Variants in SETBP1 observed in about 807,000 individuals in gnomAD.
SETBP1 encodes the protein SET binding protein 1, also known as SET-binding protein.
SETBP1 carries 9 observed loss-of-function variants against 101.0 expected under a neutral mutation model. The ratio of observed to expected loss-of-function variants is 0.09; its 90% CI spans 0.05 to 0.16. SETBP1 has a LOEUF of 0.16. Ranked by LOEUF, SETBP1 falls within the 10% of genes least tolerant of loss-of-function variation. The probability of loss-of-function intolerance (pLI) is 1.00; values close to 1 mark genes in which losing one functional copy is unlikely to be tolerated. For missense variants in SETBP1, 1,858 were observed against 2,033.8 expected, an observed-to-expected ratio of 0.91 and a Z score of 1.66; for synonymous variants, 818 against 788.5, an observed-to-expected ratio of 1.04 and a Z score of -0.63.
rs1203857785 is a variant in SETBP1, at chr18:44,950,906, G to A, written c.1566G>A (p.Gln522=). The A allele has an allele frequency of 6.2e-7, 1 of 1,614,144 alleles. No individual in the cohort carries two copies. Residue 522 remains glutamine, a synonymous_variant, in exon 4 of 6, where the codon CAG becomes CAA. Transcript: ENST00000649279. ...CATCCAGAAAGCTGCCAGAAATCCA[G>A]CATCCAAAATTTGCTGCAAAACGAA... ...HSPSRKLPEI[Q]HPKFAAKRRW...
intron 2 of SETBP1, among the ~76,000 whole-genome samples, chr18:44,837,954 T>C (rs1358769615): frequency 6.6e-6 from 1 of 152,194 alleles, no homozygotes; most frequent in African/African-American, 2.4e-5. Context: ...CACCATTCTC[T>C]TGAACTGACT....
Position 44,950,281 on chromosome 18 carries a change from T to C in SETBP1, c.941T>C (p.Leu314Ser). Reference sequence around the variant, plus strand: ...GCTGAGTGCAACGGGCTTCAGCCCTTGGTGGATCAAGATGGAGGAGGTACA... The same window carrying C: ...GCTGAGTGCAACGGGCTTCAGCCCTCGGTGGATCAAGATGGAGGAGGTACA... ...SSAECNGLQP[L>S]VDQDGGGTKE... is the part of the protein sequence containing the mutation. Residue 314 changes from leucine to serine, a missense_variant, in exon 4 of 6, where the codon TTG (leucine) becomes TCG (serine). Around this residue, in one of 12 missense-constraint regions of SETBP1, gnomAD observed 581 missense variants for 535.1 expected, o/e 1.09. Transcript: ENST00000649279. 1 of 1,614,034 alleles carries C rather than the reference T, an allele frequency of 6.2e-7. No homozygotes were observed. The highest frequency in any genetic ancestry group is 8.5e-7 in the Non-Finnish European group (1 of 1,180,024).
At chr18:45,034,804 T>G (rs1177841260) in intron 4 of SETBP1, among the ~76,000 whole-genome samples, 1 of 152,286 alleles carries the variant, frequency 6.6e-6, no homozygotes, top group South Asian at 2.1e-4. Flanking sequence ...TTTCTGAGTT[T>G]GAGACAGTGA....
intron 2 of SETBP1, among the ~76,000 whole-genome samples, chr18:44,783,631 G>A (rs140044798): frequency 6.6e-6 from 1 of 152,308 alleles, no homozygotes; most frequent in East Asian, 1.9e-4. Flanking sequence ...AATGATATTT[G>A]TTTTGTGCTT....
At position 45,064,018 on chromosome 18, in the gene SETBP1, C is replaced by T; in HGVS notation, c.*320C>T. On this transcript the variant is annotated 3_prime_UTR_variant, in exon 6 of 6. Coordinates refer to ENST00000649279, the MANE Select transcript of SETBP1 (RefSeq NM_015559.3). Reference sequence around the variant, plus strand: ...GGCTGGTGGCACTCTCCTGACCTCACGCTGCCAAGGTGCGCCCTCGACTCC... The same window carrying T: ...GGCTGGTGGCACTCTCCTGACCTCATGCTGCCAAGGTGCGCCCTCGACTCC... 1 of 259,436 alleles carries T rather than the reference C, an allele frequency of 3.9e-6. No individual in the cohort carries two copies. Among genetic ancestry groups the T allele is most frequent in the Non-Finnish European group, 7.4e-6 (1 of 135,298 alleles). 16.1% of individuals were successfully genotyped at this position (259,436 alleles called of 1,614,324 possible).
chr18:44,759,584 CCAAA>C (rs2070592386), intron 2 of SETBP1, among the ~76,000 whole-genome samples: 1 of 152,128 alleles, frequency 6.6e-6, no homozygotes, highest in East Asian at 1.9e-4. Context: ...TTTCAGTTCC[CCAAA>C]CAGTGTGTGT....
At chr18:44,925,023 T>G (rs1313254254) in intron 3 of SETBP1, among the ~76,000 whole-genome samples, 4 of 147,754 alleles carry the variant, frequency 2.7e-5, no homozygotes, top group African/African-American at 2.5e-5. Flanking sequence ...TTTTTTTTTT[T>G]TTTTTTTTTT....
chr18:44,892,567 T>G (rs1324746120), intron 3 of SETBP1, among the ~76,000 whole-genome samples: 3 of 152,160 alleles, frequency 2.0e-5, no homozygotes, highest in African/African-American at 7.2e-5. Flanking sequence ...GTAGGTCATC[T>G]TGTCTCTGCT....
intron 2 of SETBP1, among the ~76,000 whole-genome samples, chr18:44,729,705 T>C (rs1231571998): frequency 6.6e-6 from 1 of 152,190 alleles, no homozygotes; most frequent in Non-Finnish European, 1.5e-5. Context: ...AAACCATGGG[T>C]GTGGCTTAAT....
intron 2 of SETBP1, among the ~76,000 whole-genome samples, chr18:44,819,348 G>C (rs1156946435): frequency 2.0e-5 from 3 of 152,146 alleles, no homozygotes; most frequent in Admixed American, 6.5e-5. Context: ...GAGAGAGTGT[G>C]GGTATAATTC....
At chr18:45,052,604 G>A (rs181524566) in intron 5 of SETBP1, among the ~76,000 whole-genome samples, 1 of 152,152 alleles carries the variant, frequency 6.6e-6, no homozygotes, top group Admixed American at 6.5e-5. Context: ...AATAGAGTTG[G>A]GCACACACAC....
At chr18:45,057,473 G>A (rs2073828338) in intron 5 of SETBP1, among the ~76,000 whole-genome samples, 2 of 152,106 alleles carry the variant, frequency 1.3e-5, no homozygotes, top group Non-Finnish European at 2.9e-5. Context: ...ACCAGATCAG[G>A]TACTGCTGTA....
intron 2 of SETBP1, among the ~76,000 whole-genome samples, chr18:44,808,459 G>A (rs534534281): frequency 5.3e-5 from 8 of 152,334 alleles, no homozygotes; most frequent in African/African-American, 1.9e-4. Flanking sequence ...GAGCCAACGA[G>A]AGTAGCTCAG....
upstream of SETBP1, chr18:44,680,487 G>A (rs958385506): frequency 2.6e-5 from 4 of 152,182 alleles, no homozygotes; most frequent in African/African-American, 9.6e-5. Context: ...CGGGGGCGAC[G>A]TGTGTGCCCT....
chr18:44,955,625 A>G (rs2071465519), intron 4 of SETBP1, among the ~76,000 whole-genome samples: 1 of 152,238 alleles, frequency 6.6e-6, no homozygotes, highest in Non-Finnish European at 1.5e-5. Flanking sequence ...CAAAGAGATC[A>G]AGAGAACTGT....
intron 2 of SETBP1, among the ~76,000 whole-genome samples, chr18:44,851,656 CA>C (rs2072867674): frequency 3.3e-5 from 5 of 152,316 alleles, no homozygotes; most frequent in Admixed American, 2.0e-4. Context: ...AAGTGCCAGC[CA>C]GGCACATAAT....
chr18:45,048,491 G>A (rs1206918011), intron 5 of SETBP1, among the ~76,000 whole-genome samples: 1 of 152,132 alleles, frequency 6.6e-6, no homozygotes, highest in South Asian at 2.1e-4. Flanking sequence ...AAAATGATAT[G>A]TATCCTCACT....
intron 5 of SETBP1, among the ~76,000 whole-genome samples, chr18:45,058,918 G>A (rs1347215770): frequency 6.6e-6 from 1 of 152,170 alleles, no homozygotes; most frequent in African/African-American, 2.4e-5. Context: ...AAGCCTTCTA[G>A]GGAGATGGTG....
At chr18:44,748,200 G>GGGAA (rs986432811) in intron 2 of SETBP1, among the ~76,000 whole-genome samples, 6 of 151,940 alleles carry the variant, frequency 3.9e-5, no homozygotes, top group South Asian at 2.1e-4. Flanking sequence ...AAGGAAGGAT[G>GGGAA]GGAAGGAAGG....
Sources: allele counts gnomAD v4.1 joint callset (sites outside exome capture counted in the v4.1 genomes callset), GRCh38; gene constraint gnomAD v4.1.1; regional missense constraint gnomAD v4.1.1; transcripts MANE v1.5; gene names NCBI Gene and HGNC (gene_info 2026-07-23, HGNC 2026-07-21).